The following CTTNBP2 variants were observed in gnomAD, a reference collection of about 807,000 sequenced individuals.
CTTNBP2 encodes cortactin-binding protein 2.
A neutral mutation model predicts 156.9 loss-of-function variants in CTTNBP2; 108 were observed. The observed-to-expected ratio is 0.69, with a 90% confidence interval of 0.59 to 0.81. The LOEUF is 0.81. Among genes scored for constraint, CTTNBP2 ranks in the 30% least tolerant of loss-of-function variants. The pLI, the probability that CTTNBP2 is intolerant of heterozygous loss-of-function variation, is 0.00. For missense variants in CTTNBP2, 1,924 were observed against 2,035.4 expected, an observed-to-expected ratio of 0.95 and a Z score of 1.05; for synonymous variants, 767 against 751.8, an observed-to-expected ratio of 1.02 and a Z score of -0.33.
At chr7:117,734,299 AT>A (rs1795563536) in intron 16 of CTTNBP2, among the ~76,000 whole-genome samples, 1 of 152,246 alleles carries the variant, frequency 6.6e-6, no homozygotes, top group Non-Finnish European at 1.5e-5. Context: ...AAATGAGAAA[AT>A]CTTACTAAAT....
chr7:117,760,312 G>A lies in CTTNBP2; in HGVS notation c.3172+123C>T, dbSNP rs539771700. 7.8e-5 allele frequency: 72 copies of A among 925,684 alleles called. No individual in the cohort carries two copies. The African/African-American group carries it at 1.0e-3, about 13-fold the overall frequency. 57.3% of individuals were successfully genotyped at this position (925,684 alleles called of 1,614,324 possible). A position where few individuals can be genotyped will look rare whatever the true frequency, so the allele number is the denominator to read the frequency against. Reference sequence around the variant, plus strand: ...GTGAATACTCAAGTTTTTCAGCACCGGCAGCTGCCACAAGTAAGCTTTGAA... The same window carrying A: ...GTGAATACTCAAGTTTTTCAGCACCAGCAGCTGCCACAAGTAAGCTTTGAA... On this transcript the variant is annotated intron_variant, in intron 10 of 22. Transcript: ENST00000160373.
intron 2 of CTTNBP2, among the ~76,000 whole-genome samples, chr7:117,843,893 A>G (rs919938800): frequency 4.6e-5 from 7 of 152,182 alleles, no homozygotes; most frequent in Non-Finnish European, 2.9e-5. Flanking sequence ...GTTCCCTTAC[A>G]TGGCAAAAGG....
chr7:117,755,461 A>G (rs1349666623), intron 12 of CTTNBP2: 1 of 407,212 alleles, frequency 2.5e-6, no homozygotes, highest in Non-Finnish European at 5.0e-6. Flanking sequence ...TTATACCAGT[A>G]GTATTAGTTT....
chr7:117,867,415 G>C (rs149355619), intron 1 of CTTNBP2, among the ~76,000 whole-genome samples: 2,597 of 152,034 alleles, frequency 0.017, 38 homozygotes, highest in Non-Finnish European at 0.029. Context: ...AATCATGTCC[G>C]GCCTTGTGCA....
intron 2 of CTTNBP2, among the ~76,000 whole-genome samples, chr7:117,850,600 G>A (rs1205810889): frequency 6.6e-6 from 1 of 152,248 alleles, no homozygotes. Flanking sequence ...AACCTAAGTA[G>A]GTGGGGACCA....
chr7:117,847,460 A>C (rs926226947), intron 2 of CTTNBP2, among the ~76,000 whole-genome samples: 3 of 152,204 alleles, frequency 2.0e-5, no homozygotes, highest in African/African-American at 7.2e-5. Flanking sequence ...TGCTTAAATC[A>C]GGAGGCAGAT....
At chr7:117,869,481 C>T (rs938203081) in intron 1 of CTTNBP2, among the ~76,000 whole-genome samples, 3 of 152,188 alleles carry the variant, frequency 2.0e-5, no homozygotes, top group Non-Finnish European at 4.4e-5. Flanking sequence ...ACAAACTTCA[C>T]ACAACTCTCC....
In CTTNBP2 at chr7:117,718,084, A is replaced by G. The variant is rs753757051; in HGVS notation, c.4680T>C (p.Asp1560=). Residue 1560 remains aspartate, a synonymous_variant, in exon 22 of 23, where the codon GAT becomes GAC. Coordinates refer to ENST00000160373, the MANE Select transcript of CTTNBP2 (RefSeq NM_033427.3). ...AAAGTACAGGGTTGTTTCCAGAACT[A>G]TCAAACATCCTTAAATCATCCCTGG... is the stretch of plus-strand genomic sequence containing the variant. ...ADSRDDLRMF[D]SSGNNPVLSA... 3.7e-6 allele frequency: 6 copies of G among 1,613,360 alleles called. No homozygotes were observed. The highest frequency in any genetic ancestry group is 1.7e-4 in the Middle Eastern group (1 of 6,060).
chr7:117,800,855 C>T (rs544785289), intron 3 of CTTNBP2, among the ~76,000 whole-genome samples: 149 of 152,162 alleles, frequency 9.8e-4, no homozygotes, highest in African/African-American at 3.5e-3. Flanking sequence ...AGATTTGTTG[C>T]TAAGTACCAT....
At chr7:117,840,564 C>T (rs1802210435) in intron 2 of CTTNBP2, among the ~76,000 whole-genome samples, 1 of 152,136 alleles carries the variant, frequency 6.6e-6, no homozygotes. Context: ...CTGCCTCCTC[C>T]AATGTCCTTT....
intron 2 of CTTNBP2, among the ~76,000 whole-genome samples, chr7:117,840,171 CATCGGCTTTTGA>C (rs1802188716): frequency 6.6e-6 from 1 of 152,052 alleles, no homozygotes; most frequent in Admixed American, 6.5e-5. Context: ...TTAATGAATC[CATCGGCTTTTGA>C]ATCATTGCTA....
chr7:117,772,035 C>G (rs575781628), intron 8 of CTTNBP2, among the ~76,000 whole-genome samples: 73 of 152,202 alleles, frequency 4.8e-4, no homozygotes, highest in African/African-American at 1.7e-3. Flanking sequence ...AGAAGTGTGC[C>G]TAGGGGAGCA....
At chr7:117,713,325 C>T (rs763753656) in intron 22 of CTTNBP2, among the ~76,000 whole-genome samples, 15 of 152,132 alleles carry the variant, frequency 9.9e-5, no homozygotes, top group Non-Finnish European at 2.1e-4. Context: ...TTCTTTAGCC[C>T]TCATTTATCT....
In CTTNBP2 at chr7:117,710,810, A is replaced by G. The variant is rs1026396698; in HGVS notation, c.*727T>C. ...GAGTTAATTCTGAATTTATTCATTT[A>G]TGCAGTTATCTATATCCACTTAGGT... On this transcript the variant is annotated 3_prime_UTR_variant, in exon 23 of 23. Coordinates refer to ENST00000160373, the MANE Select transcript of CTTNBP2 (RefSeq NM_033427.3). The G allele has an allele frequency of 1.3e-5, 2 of 152,734 alleles. No individual in the cohort carries two copies. The highest frequency in any genetic ancestry group is 6.5e-5 in the Admixed American group (1 of 15,302). 9.5% of individuals were successfully genotyped at this position (152,734 alleles called of 1,614,324 possible). A position where few individuals can be genotyped will look rare whatever the true frequency, so the allele number is the denominator to read the frequency against.
Position 117,791,652 on chromosome 7 carries a change from G to C in CTTNBP2, c.1544C>G (p.Thr515Arg). 6.2e-7 allele frequency: 1 copy of C among 1,614,186 alleles called. No individual in the cohort carries two copies. Among genetic ancestry groups the C allele is most frequent in the Non-Finnish European group, 8.5e-7 (1 of 1,180,034 alleles). ...TGGAGGGTGGGTGCCAACATCCCCT[G>C]TTGGGGGCACTCCAGGCCTTGAGGG... ...GAPSRPGVPPTGDVGTHPPVG... is the reference protein window; with the variant it reads ...GAPSRPGVPPRGDVGTHPPVG... Residue 515 changes from threonine to arginine, a missense_variant, in exon 4 of 23, where the codon ACA (threonine) becomes AGA (arginine). By Grantham distance (71) the Thr-to-Arg change is moderately conservative. Coordinates refer to ENST00000160373, the MANE Select transcript of CTTNBP2 (RefSeq NM_033427.3).
chr7:117,791,963 T>C lies in CTTNBP2; in HGVS notation c.1233A>G (p.Gln411=), dbSNP rs139795877. ...LPSNAAPPTA[Q]TPGIAPQNSQ... is the part of the protein sequence containing the mutation. ...AGTTCTGAGGAGCTATGCCTGGTGT[T>C]TGAGCGGTGGGAGGGGCAGCGTTAC... Residue 411 remains glutamine, a synonymous_variant, in exon 4 of 23, where the codon CAA becomes CAG. Transcript: ENST00000160373. The C allele has an allele frequency of 1.4e-4, 223 of 1,613,952 alleles. No individual in the cohort carries two copies. Among genetic ancestry groups the C allele is most frequent in the South Asian group, 9.1e-4 (83 of 91,080 alleles).
chr7:117,820,316 C>A (rs1340449644), intron 2 of CTTNBP2, among the ~76,000 whole-genome samples: 3 of 152,204 alleles, frequency 2.0e-5, no homozygotes, highest in Admixed American at 6.5e-5. Flanking sequence ...GATTAACCAA[C>A]CCACTATTTC....
rs545528158 is a variant in CTTNBP2, at chr7:117,787,632, A to G, written c.2069-3178T>C. 2.7e-3 allele frequency among the ~76,000 whole-genome samples: 415 copies of G among 152,328 alleles called. 2 individuals carry two copies. The highest frequency in any genetic ancestry group is 4.9e-3 in the Non-Finnish European group (334 of 68,024). On this transcript the variant is annotated intron_variant, in intron 4 of 22. Transcript: ENST00000160373. ...TTCTGGTTTAGGCTTCTGTTCATCTAACATTTGAAATGTGTCTATTTGGCA... is the reference window on the plus strand; with the variant it reads ...TTCTGGTTTAGGCTTCTGTTCATCTGACATTTGAAATGTGTCTATTTGGCA...
Position 117,792,740 on chromosome 7 carries a change from C to A in CTTNBP2, c.456G>T (p.Glu152Asp). ...EKLQLQALEQEHKKLAARLEE... is the reference protein window; with the variant it reads ...EKLQLQALEQDHKKLAARLEE... ...CAAGGCGGGCAGCCAGCTTCTTGTG[C>A]TCTTGCTCAAGGGCTTGTAGCTGAA... The change falls in exon 4 of 23, where the codon GAG becomes GAT. Residue 152 changes from glutamate (E) to aspartate (D), a missense_variant. Glu to Asp is a conservative substitution (Grantham distance 45). Coordinates refer to ENST00000160373, the MANE Select transcript of CTTNBP2 (RefSeq NM_033427.3). This position sits in a 1 kb window ranked among gnomAD's most constrained non-coding sequence, Gnocchi z 4.2. 6.2e-7 allele frequency: 1 copy of A among 1,603,776 alleles called. No individual in the cohort carries two copies. The highest frequency in any genetic ancestry group is 8.5e-7 in the Non-Finnish European group (1 of 1,175,336).
Sources: allele counts gnomAD v4.1 joint callset (sites outside exome capture counted in the v4.1 genomes callset), GRCh38; gene constraint gnomAD v4.1.1; non-coding constraint Gnocchi (gnomAD v3.1); transcripts MANE v1.5; gene names NCBI Gene and HGNC (gene_info 2026-07-23, HGNC 2026-07-21).